Variants in LRP1B observed in about 807,000 individuals in gnomAD.
LRP1B encodes the protein LDL receptor related protein 1B.
LRP1B carries 217 observed loss-of-function variants against 556.6 expected under a neutral mutation model. That is an observed-to-expected ratio of 0.39 (90% CI 0.35 to 0.44). LRP1B has a LOEUF of 0.44. Ranked by LOEUF, LRP1B falls within the 20% of genes least tolerant of loss-of-function variation. LRP1B has a pLI of 1.00. For missense variants in LRP1B, 5,053 were observed against 5,620.8 expected (o/e 0.90, Z 3.23); for synonymous variants, 2,047 against 1,865.8 (o/e 1.10, Z -2.50).
chr2:141,488,219 T>C (rs926354986), intron 2 of LRP1B, among the ~76,000 whole-genome samples: 9 of 152,106 alleles, frequency 5.9e-5, no homozygotes, highest in Non-Finnish European at 8.8e-5. Context: ...TTGGGTAGCA[T>C]AATGTAGCAA....
rs112753695 is a variant in LRP1B, at chr2:141,420,387, G to A, written c.343+60009C>T. On this transcript the variant is annotated intron_variant, in intron 3 of 90. Transcript: ENST00000389484. ...CCTTGTACAGGGAAAGACCTTCACC[G>A]TCAGCCCAGCTAGAGATTCTGGAAG... 8.5e-4 allele frequency among the ~76,000 whole-genome samples: 129 copies of A among 152,266 alleles called. 2 individuals carry two copies. Among genetic ancestry groups the A allele is most frequent in the African/African-American group, 3.0e-3 (123 of 41,546 alleles).
At chr2:142,077,402 A>G (rs1469916845) in intron 1 of LRP1B, among the ~76,000 whole-genome samples, 1 of 152,146 alleles carries the variant, frequency 6.6e-6, no homozygotes, top group East Asian at 1.9e-4. Context: ...AATCTAGCAC[A>G]ACTTGGAGGC....
intron 59 of LRP1B, among the ~76,000 whole-genome samples, chr2:140,482,463 A>G (rs760808455): frequency 7.2e-5 from 11 of 152,152 alleles, no homozygotes; most frequent in Non-Finnish European, 1.0e-4. Flanking sequence ...CATACAGGTA[A>G]TTTTTATCAA....
intron 41 of LRP1B, among the ~76,000 whole-genome samples, chr2:140,667,992 T>A (rs981547146): frequency 5.3e-5 from 8 of 152,064 alleles, no homozygotes; most frequent in Non-Finnish European, 1.0e-4. Context: ...AACTGAAAAT[T>A]GAAATCAGAC....
At chr2:141,703,213 A>T (rs760337473) in intron 2 of LRP1B, among the ~76,000 whole-genome samples, 107 of 137,932 alleles carry the variant, frequency 7.8e-4, no homozygotes, top group South Asian at 1.5e-3. Flanking sequence ...AACCTAAGGA[A>T]AGAATATCAT....
intron 6 of LRP1B, among the ~76,000 whole-genome samples, chr2:141,215,420 C>T (rs554529416): frequency 1.3e-3 from 200 of 152,154 alleles, no homozygotes; most frequent in African/African-American, 4.6e-3. Flanking sequence ...TGGGGTCTTG[C>T]TATAAAGATA....
chr2:140,577,723 G>A (rs1681588980), intron 43 of LRP1B, among the ~76,000 whole-genome samples: 1 of 152,008 alleles, frequency 6.6e-6, no homozygotes, highest in African/African-American at 2.4e-5. Flanking sequence ...AAACCTGGTT[G>A]CACTACAGAT....
intron 3 of LRP1B, among the ~76,000 whole-genome samples, chr2:141,325,765 A>G (rs1286030820): frequency 1.3e-5 from 2 of 152,158 alleles, no homozygotes; most frequent in Non-Finnish European, 2.9e-5. Context: ...AAGGATTAGA[A>G]TAATTTATAG....
chr2:141,448,714 C>G (rs1046099599), intron 3 of LRP1B, among the ~76,000 whole-genome samples: 1 of 152,170 alleles, frequency 6.6e-6, no homozygotes, highest in Non-Finnish European at 1.5e-5. Flanking sequence ...GGCTCGCCCT[C>G]CACGGGCTAA....
chr2:142,088,338 T>A lies in LRP1B; in HGVS notation c.82+42310A>T, dbSNP rs774091091. The stretch of plus-strand genomic sequence containing the variant: ...TAAATTTTCCCAGCTACATTTAATC[T>A]GAACACTATTAGTTGGTTTTAGTAT... On this transcript the variant is annotated intron_variant, in intron 1 of 90. Transcript: ENST00000389484. 3.2e-4 allele frequency among the ~76,000 whole-genome samples: 48 copies of A among 152,200 alleles called. 1 individual carries two copies. The highest frequency in any genetic ancestry group is 8.8e-5 in the Non-Finnish European group (6 of 68,018).
intron 66 of LRP1B, among the ~76,000 whole-genome samples, chr2:140,407,898 C>A (rs1322559812): frequency 1.3e-5 from 2 of 151,878 alleles, no homozygotes; most frequent in Non-Finnish European, 2.9e-5. Flanking sequence ...TGGCAGCACA[C>A]TTCACCACTG....
chr2:140,766,833 ATATATATATATT>A (rs1689124978), intron 35 of LRP1B, among the ~76,000 whole-genome samples: 2 of 31,714 alleles, frequency 6.3e-5, no homozygotes, highest in African/African-American at 1.2e-4. Flanking sequence ...ATATATATAT[ATATATATATATT>A]ATATATATAT....
At chr2:140,546,000 T>TTGTGTGTGTGTG (rs148045904) in intron 43 of LRP1B, among the ~76,000 whole-genome samples, 5,309 of 142,592 alleles carry the variant, frequency 0.037, 148 homozygotes, top group Non-Finnish European at 0.05. Context: ...TATTATTAGG[T>TTGTGTGTGTGTG]TGTGTGTGTG....
At chr2:140,446,875 G>A (rs1428166138) in intron 63 of LRP1B, among the ~76,000 whole-genome samples, 1 of 151,848 alleles carries the variant, frequency 6.6e-6, no homozygotes, top group African/African-American at 2.4e-5. Context: ...AAACAACAGA[G>A]TAAAGAGACA....
chr2:140,494,510 C>T lies in LRP1B; in HGVS notation c.9034+1055G>A, dbSNP rs560559848. Among the ~76,000 whole-genome samples, 8 of 146,098 alleles carry T rather than the reference C, an allele frequency of 5.5e-5. No individual in the cohort carries two copies. The South Asian group carries it at 9.0e-4, about 16-fold the overall frequency. ...GTCTCAGCTACTTGGGAGGCTGAGG[C>T]GGGAGAATGGTGTGAACCTGGGGGA... On this transcript the variant is annotated intron_variant, in intron 56 of 90. Transcript: ENST00000389484.
At chr2:141,901,815 T>G (rs1418260695) in intron 1 of LRP1B, among the ~76,000 whole-genome samples, 1 of 151,914 alleles carries the variant, frequency 6.6e-6, no homozygotes, top group Non-Finnish European at 1.5e-5. Flanking sequence ...TCTAATATGT[T>G]GAACAGTGCA....
At chr2:141,565,422 A>G (rs967704512) in intron 2 of LRP1B, among the ~76,000 whole-genome samples, 3 of 152,220 alleles carry the variant, frequency 2.0e-5, no homozygotes, top group African/African-American at 7.2e-5. Context: ...AAGGAGCAAA[A>G]AGATGATCAA....
At chr2:141,065,656 A>C (rs1699461209) in intron 7 of LRP1B, among the ~76,000 whole-genome samples, 1 of 151,930 alleles carries the variant, frequency 6.6e-6, no homozygotes, top group Non-Finnish European at 1.5e-5. Context: ...ATGATTTTGC[A>C]CTTTATTGTT....
chr2:140,557,639 G>C (rs1680781932), intron 43 of LRP1B, among the ~76,000 whole-genome samples: 1 of 152,106 alleles, frequency 6.6e-6, no homozygotes, highest in Admixed American at 6.6e-5. Context: ...AATGCATCAG[G>C]ATTATGCCTC....
Sources: allele counts gnomAD v4.1 joint callset (sites outside exome capture counted in the v4.1 genomes callset), GRCh38; gene constraint gnomAD v4.1.1; transcripts MANE v1.5; gene names NCBI Gene and HGNC (gene_info 2026-07-23, HGNC 2026-07-21).